Variants in SNX4 observed in about 807,000 individuals in gnomAD.
SNX4 encodes sorting nexin-4.
In SNX4, 49 loss-of-function variants were observed where a neutral mutation model predicts 70.8. The observed-to-expected ratio is 0.69, with a 90% confidence interval of 0.55 to 0.88. The LOEUF (loss-of-function observed/expected upper bound fraction) is 0.88, where lower values mean the gene tolerates loss of function less well. SNX4 is among the 40% of genes least tolerant of loss of function. The pLI, the probability that SNX4 is intolerant of heterozygous loss-of-function variation, is 0.00. For synonymous variants in SNX4, 206 were observed against 183.8 expected (o/e 1.12, Z -0.98); for missense variants, 528 against 544.8 (o/e 0.97, Z 0.31).
chr3:125,514,191 A>G (rs1935225610), intron 1 of SNX4, among the ~76,000 whole-genome samples: 1 of 152,134 alleles, frequency 6.6e-6, no homozygotes, highest in Admixed American at 6.5e-5. Context: ...ATCCAAAGCA[A>G]TAACTAAGAA....
chr3:125,480,124 A>T, intron 7 of SNX4, 123 bp downstream of exon 7: 3 of 512,792 alleles, frequency 5.9e-6, no homozygotes, highest in Non-Finnish European at 1.0e-5. Context: ...TGATGAACAT[A>T]TAAATTCAAA....
intron 1 of SNX4, among the ~76,000 whole-genome samples, chr3:125,504,994 A>C (rs1201305895): frequency 6.6e-6 from 1 of 152,086 alleles, no homozygotes; most frequent in Non-Finnish European, 1.5e-5. Context: ...TTTTGAGACC[A>C]AGTCTCACTC....
intron 8 of SNX4, among the ~76,000 whole-genome samples, chr3:125,470,458 A>T (rs1337877805): frequency 2.0e-5 from 3 of 151,394 alleles, no homozygotes; most frequent in African/African-American, 7.3e-5. Flanking sequence ...CTTAGTATAG[A>T]TGAAAACTAT....
At chr3:125,473,059 T>G (rs1047145860) in intron 8 of SNX4, among the ~76,000 whole-genome samples, 2 of 152,166 alleles carry the variant, frequency 1.3e-5, no homozygotes, top group Non-Finnish European at 2.9e-5. Flanking sequence ...AGGAAGTACA[T>G]GTACATGTGC....
chr3:125,497,854 A>C lies in SNX4; in HGVS notation c.529T>G (p.Phe177Val). ...SHPILCRDKI[F>V]YLFLTQEGNW... ...AATACCTGTGTTAAAAACAGATAGA[A>C]GATTTTGTCTCTACAAAGGATGGGA... The change falls in exon 4 of 14, where the codon TTC becomes GTC. Residue 177 changes from phenylalanine (F) to valine (V), a missense_variant. Phe to Val is a conservative substitution (Grantham distance 50). Transcript: ENST00000251775. 1 of 1,606,682 alleles carries C rather than the reference A, an allele frequency of 6.2e-7. No homozygotes were observed. The highest frequency in any genetic ancestry group is 1.1e-5 in the South Asian group (1 of 89,032).
At chr3:125,482,574 CA>C (rs1199646506) in intron 6 of SNX4, among the ~76,000 whole-genome samples, 1 of 151,956 alleles carries the variant, frequency 6.6e-6, no homozygotes, top group Admixed American at 6.6e-5. Flanking sequence ...ATCTACTGTC[CA>C]CTCTGCTTGG....
At chr3:125,477,665 C>T (rs1256062990) in intron 7 of SNX4, among the ~76,000 whole-genome samples, 2 of 152,154 alleles carry the variant, frequency 1.3e-5, no homozygotes, top group African/African-American at 4.8e-5. Flanking sequence ...TCTCATCTTA[C>T]AGTGACAGAA....
rs548254781 is a variant in SNX4 at position 125,483,018 on chromosome 3, G to A, written c.654-2699C>T. 2.0e-5 allele frequency among the ~76,000 whole-genome samples: 3 copies of A among 152,196 alleles called. No individual in the cohort carries two copies. The East Asian group carries it at 5.8e-4, about 29-fold the overall frequency. ...ACTCTCTGGGGAGGGGAAATGGATAGAGAGGAACAGGAATGAGACTTTTCA... is the reference window on the plus strand; with the variant it reads ...ACTCTCTGGGGAGGGGAAATGGATAAAGAGGAACAGGAATGAGACTTTTCA... On this transcript the variant is annotated intron_variant, in intron 6 of 13. Coordinates refer to ENST00000251775, the MANE Select transcript of SNX4 (RefSeq NM_003794.4).
At chr3:125,487,826 T>G (rs558258640) in intron 6 of SNX4, among the ~76,000 whole-genome samples, 1 of 151,254 alleles carries the variant, frequency 6.6e-6, no homozygotes, top group Non-Finnish European at 1.5e-5. Flanking sequence ...AGGGAGGAGA[T>G]GAACAGGTGC....
intron 5 of SNX4, among the ~76,000 whole-genome samples, chr3:125,495,275 T>TATATACACACACAC: frequency 1.2e-5 from 1 of 83,046 alleles, no homozygotes; most frequent in African/African-American, 3.6e-5. Context: ...TATATATATA[T>TATATACACACACAC]ATACACATAC....
chr3:125,483,990 G>C (rs975605877), intron 6 of SNX4, among the ~76,000 whole-genome samples: 4 of 152,182 alleles, frequency 2.6e-5, no homozygotes, highest in Non-Finnish European at 4.4e-5. Context: ...GAATGTTGCA[G>C]TTTCACTTGA....
At chr3:125,516,428 T>A (rs981049989) in intron 1 of SNX4, among the ~76,000 whole-genome samples, 1 of 152,208 alleles carries the variant, frequency 6.6e-6, no homozygotes, top group Non-Finnish European at 1.5e-5. Context: ...GTTTAAAGAA[T>A]CCTGATCAGT....
intron 10 of SNX4, among the ~76,000 whole-genome samples, chr3:125,458,048 A>G (rs1395221349): frequency 6.6e-6 from 1 of 152,146 alleles, no homozygotes; most frequent in Non-Finnish European, 1.5e-5. Context: ...TGAACTACAT[A>G]CATAATTAGT....
At chr3:125,494,069 C>T (rs772996492) in intron 5 of SNX4, among the ~76,000 whole-genome samples, 3 of 150,758 alleles carry the variant, frequency 2.0e-5, no homozygotes, top group Non-Finnish European at 3.0e-5. Flanking sequence ...TAATCTAGTA[C>T]GCCAAAACTA....
At chr3:125,490,839 T>C (rs1579997630) in intron 5 of SNX4, among the ~76,000 whole-genome samples, 1 of 151,874 alleles carries the variant, frequency 6.6e-6, no homozygotes, top group East Asian at 1.9e-4. Flanking sequence ...GAAGAACTAT[T>C]AGGGTTCATA....
At chr3:125,491,841 G>A (rs1934666408) in intron 5 of SNX4, among the ~76,000 whole-genome samples, 1 of 152,194 alleles carries the variant, frequency 6.6e-6, no homozygotes, top group Non-Finnish European at 1.5e-5. Context: ...GGGCACGGTG[G>A]CTTATGCCTG....
chr3:125,481,119 T>G (rs1254886800), intron 6 of SNX4, among the ~76,000 whole-genome samples: 2 of 152,188 alleles, frequency 1.3e-5, no homozygotes, highest in Admixed American at 6.5e-5. Flanking sequence ...CAATAACCAC[T>G]TCTTCCATTC....
At chr3:125,494,529 A>C (rs1934736420) in intron 5 of SNX4, among the ~76,000 whole-genome samples, 1 of 152,258 alleles carries the variant, frequency 6.6e-6, no homozygotes. Flanking sequence ...ATACTCAGAT[A>C]AGAAACTGTT....
chr3:125,496,350 G>T (rs1312702501), intron 5 of SNX4, among the ~76,000 whole-genome samples: 1 of 151,994 alleles, frequency 6.6e-6, no homozygotes, highest in African/African-American at 2.4e-5. Context: ...GACAGAACTG[G>T]TTTATCATAT....
Sources: allele counts gnomAD v4.1 joint callset (sites outside exome capture counted in the v4.1 genomes callset), GRCh38; gene constraint gnomAD v4.1.1; transcripts MANE v1.5; gene names NCBI Gene and HGNC (gene_info 2026-07-23, HGNC 2026-07-21).